The following XKR9 variants were observed in gnomAD, a reference collection of about 807,000 sequenced individuals.
XKR9 encodes the protein XK-related protein 9.
Under a neutral mutation model 32.0 loss-of-function variants are expected in XKR9, and 32 were observed. The ratio of observed to expected loss-of-function variants is 1.00; its 90% CI spans 0.76 to 1.34. The LOEUF is 1.34. Ranked by LOEUF, XKR9 falls within the 40% of genes most tolerant of loss-of-function variation. The pLI is 0.00. For missense variants in XKR9, 546 were observed against 429.7 expected (o/e 1.27, Z -2.39); for synonymous variants, 168 against 143.4 (o/e 1.17, Z -1.22).
intron 3 of XKR9, among the ~76,000 whole-genome samples, chr8:70,697,159 G>A (rs532019889): frequency 0.28 from 38,176 of 136,464 alleles, 5,550 homozygotes; most frequent in Non-Finnish European, 0.38. Context: ...TCTTTTCCTA[G>A]TTGAATACCC....
At chr8:70,926,416 G>A in the XKR9 span, among the ~76,000 whole-genome samples, 1 of 152,182 alleles carries the variant, frequency 6.6e-6, no homozygotes, top group Non-Finnish European at 1.5e-5. Context: ...ACATACTAAA[G>A]GCTCTGAGAA....
In XKR9 at chr8:70,680,851, A is replaced by G. The variant is rs943518217; in HGVS notation, c.-208A>G. Reference sequence around the variant, plus strand: ...TAAAGCCTTGTAACATTGGACCTAGATTAGAGATTTAGAAAAGAAAGTCAA... The same window carrying G: ...TAAAGCCTTGTAACATTGGACCTAGGTTAGAGATTTAGAAAAGAAAGTCAA... On this transcript the variant is annotated 5_prime_UTR_variant, in exon 3 of 5. Coordinates refer to ENST00000408926, the MANE Select transcript of XKR9 (RefSeq NM_001011720.2). 5 of 426,672 alleles carry G rather than the reference A, an allele frequency of 1.2e-5. No homozygotes were observed. Among genetic ancestry groups the G allele is most frequent in the African/African-American group, 1.0e-4 (5 of 50,178 alleles). The allele number at this position is 426,672 out of a possible 1,614,324, so 26.4% of individuals were successfully genotyped here.
chr8:70,768,218 T>A (rs1252684455), intron 2 of XKR9, among the ~76,000 whole-genome samples: 1 of 152,208 alleles, frequency 6.6e-6, no homozygotes. Context: ...AGTTTCCATG[T>A]AGTTGTGTGG....
At chr8:70,986,368 C>T in the XKR9 span, among the ~76,000 whole-genome samples, 269 of 152,228 alleles carry the variant, frequency 1.8e-3, 1 homozygote, top group African/African-American at 6.3e-3. Context: ...GCTTTCCACT[C>T]TATAATAAAA....
the XKR9 span, among the ~76,000 whole-genome samples, chr8:70,833,790 C>T: frequency 1.3e-5 from 2 of 152,182 alleles, no homozygotes; most frequent in African/African-American, 4.8e-5. Context: ...CTTTCCCTCT[C>T]AGTATACTTC....
At chr8:70,929,339 T>C in the XKR9 span, among the ~76,000 whole-genome samples, 1 of 152,214 alleles carries the variant, frequency 6.6e-6, no homozygotes, top group African/African-American at 2.4e-5. Context: ...GCAACTGTGT[T>C]GAAGAGTATA....
the XKR9 span, among the ~76,000 whole-genome samples, chr8:70,968,961 C>A: frequency 2.0e-5 from 3 of 152,144 alleles, no homozygotes; most frequent in Non-Finnish European, 4.4e-5. Flanking sequence ...CCTGACTGCC[C>A]CTTGACAGAG....
At chr8:70,927,495 G>T in the XKR9 span, among the ~76,000 whole-genome samples, 8 of 152,140 alleles carry the variant, frequency 5.3e-5, no homozygotes, top group African/African-American at 1.9e-4. Context: ...GAGTCAATCT[G>T]CACCAGCAGA....
At chr8:70,912,591 A>T in the XKR9 span, among the ~76,000 whole-genome samples, 2 of 152,144 alleles carry the variant, frequency 1.3e-5, no homozygotes, top group African/African-American at 2.4e-5. Context: ...TGACATATTG[A>T]ATCTGGATTT....
the XKR9 span, among the ~76,000 whole-genome samples, chr8:71,013,147 G>A: frequency 2.0e-5 from 3 of 152,160 alleles, no homozygotes; most frequent in Non-Finnish European, 4.4e-5. Flanking sequence ...CGAAAAACGA[G>A]CAGAAGCTGC....
chr8:70,738,479 G>T (rs371426410), downstream of XKR9, among the ~76,000 whole-genome samples: 36 of 142,410 alleles, frequency 2.5e-4, 1 homozygote, highest in Admixed American at 6.2e-4. Context: ...TTCAGTTCTG[G>T]TCTGATTTTA....
At chr8:70,975,712 C>A in the XKR9 span, among the ~76,000 whole-genome samples, 2 of 152,152 alleles carry the variant, frequency 1.3e-5, no homozygotes, top group Non-Finnish European at 2.9e-5. Context: ...TTAGGATTGT[C>A]TTGGCAATGC....
downstream of XKR9, among the ~76,000 whole-genome samples, chr8:70,791,623 CTTTT>C (rs1434269378): frequency 6.6e-6 from 1 of 151,950 alleles, no homozygotes; most frequent in South Asian, 2.1e-4. Flanking sequence ...CCACCACTCT[CTTTT>C]ACTCTCTTTA....
At chr8:70,880,077 T>C in the XKR9 span, among the ~76,000 whole-genome samples, 35 of 152,166 alleles carry the variant, frequency 2.3e-4, no homozygotes, top group South Asian at 6.6e-3. Context: ...TTCAACAGCT[T>C]TTCATGCTAA....
chr8:70,775,071 C>A (rs1370966623), intron 2 of XKR9, among the ~76,000 whole-genome samples: 1 of 152,128 alleles, frequency 6.6e-6, no homozygotes, highest in East Asian at 1.9e-4. Context: ...CCCTAAATAT[C>A]TCATTTTTAT....
chr8:71,010,327 A>G, the XKR9 span, among the ~76,000 whole-genome samples: 2 of 152,164 alleles, frequency 1.3e-5, no homozygotes, highest in Non-Finnish European at 2.9e-5. Context: ...ACTCTTTTGA[A>G]GAATTTGTAT....
intron 4 of XKR9, among the ~76,000 whole-genome samples, chr8:70,716,274 T>C (rs1302656070): frequency 2.0e-5 from 3 of 152,160 alleles, no homozygotes; most frequent in African/African-American, 4.8e-5. Flanking sequence ...AAAGGAAATA[T>C]AGAGTGTTTT....
the XKR9 span, among the ~76,000 whole-genome samples, chr8:70,862,558 GT>G: frequency 1.3e-5 from 2 of 151,006 alleles, 1 homozygote; most frequent in Non-Finnish European, 2.9e-5. Flanking sequence ...CTTAACATCT[GT>G]TCATATTTTT....
At chr8:70,916,673 T>C in the XKR9 span, among the ~76,000 whole-genome samples, 3 of 152,190 alleles carry the variant, frequency 2.0e-5, no homozygotes, top group African/African-American at 7.2e-5. Flanking sequence ...AGTTCAATAA[T>C]TTTCATAAGC....
Sources: allele counts gnomAD v4.1 joint callset (sites outside exome capture counted in the v4.1 genomes callset), GRCh38; gene constraint gnomAD v4.1.1; transcripts MANE v1.5; gene names NCBI Gene and HGNC (gene_info 2026-07-23, HGNC 2026-07-21).